Variants in GLCE observed in about 807,000 individuals in gnomAD.
GLCE encodes the protein D-glucuronyl C5-epimerase.
GLCE carries 19 observed loss-of-function variants against 47.9 expected under a neutral mutation model. The observed-to-expected ratio is 0.40, with a 90% CI of 0.28 to 0.58. GLCE has a LOEUF of 0.58. Ranked by LOEUF, GLCE falls within the 20% of genes least tolerant of loss-of-function variation. The pLI is 0.48. For synonymous variants in GLCE, 245 were observed against 263.4 expected, an observed-to-expected ratio of 0.93 and a Z score of 0.68; for missense variants, 556 against 743.3, an observed-to-expected ratio of 0.75 and a Z score of 2.93.
chr15:69,224,435 A>G (rs2052418257), intron 2 of GLCE, among the ~76,000 whole-genome samples: 1 of 152,224 alleles, frequency 6.6e-6, no homozygotes, highest in Non-Finnish European at 1.5e-5. Flanking sequence ...CAAAAGGAGA[A>G]AAAGAGAAAA....
At chr15:69,258,259 G>A (rs1170884125) in intron 3 of GLCE, among the ~76,000 whole-genome samples, 10 of 151,952 alleles carry the variant, frequency 6.6e-5, no homozygotes, top group Non-Finnish European at 1.2e-4. Flanking sequence ...TTGGTTTTCT[G>A]TTCCTGCGTT....
intron 1 of GLCE, among the ~76,000 whole-genome samples, chr15:69,189,291 G>A (rs78912421): frequency 0.019 from 2,850 of 152,216 alleles, 46 homozygotes; most frequent in Admixed American, 0.043. Context: ...CATATAGTAT[G>A]TCACCTTTTC....
At chr15:69,249,231 G>C (rs1019948367) in intron 2 of GLCE, among the ~76,000 whole-genome samples, 1 of 152,142 alleles carries the variant, frequency 6.6e-6, no homozygotes, top group Non-Finnish European at 1.5e-5. Flanking sequence ...ACCCTGACTT[G>C]GGAGCATGCT....
intron 1 of GLCE, among the ~76,000 whole-genome samples, chr15:69,169,986 G>A (rs942049760): frequency 6.6e-6 from 1 of 151,858 alleles, no homozygotes; most frequent in African/African-American, 2.4e-5. Context: ...TATTCTCTCT[G>A]CTAATAACAT....
chr15:69,261,333 A>G lies in GLCE; in HGVS notation c.829+4A>G. ...GTCAAACAGTTTATTGCACCAGGTA[A>G]GTTATGTATTATATGTGCCTGCTAA... is the stretch of plus-strand genomic sequence containing the variant. On this transcript the variant is annotated splice_donor_region_variant and intron_variant, in intron 4 of 4. Transcript: ENST00000261858. The G allele has an allele frequency of 6.2e-7, 1 of 1,612,580 alleles. No homozygotes were observed. The highest frequency in any genetic ancestry group is 1.1e-5 in the South Asian group (1 of 90,992).
In GLCE at chr15:69,179,616, C is replaced by T. The variant is rs144600066; in HGVS notation, c.-105+18859C>T. ...TATCTCTCATCCTAACCACTGACAA[C>T]GTAACTCCTGGCCTTAAAGAGCATA... On this transcript the variant is annotated intron_variant, in intron 1 of 4. Coordinates refer to ENST00000261858, the MANE Select transcript of GLCE (RefSeq NM_015554.3). 2.0e-5 allele frequency among the ~76,000 whole-genome samples: 3 copies of T among 152,260 alleles called. No homozygotes were observed. The East Asian group carries it at 5.8e-4, about 29-fold the overall frequency.
intron 1 of GLCE, among the ~76,000 whole-genome samples, chr15:69,189,827 A>T (rs543393338): frequency 6.6e-6 from 1 of 151,770 alleles, no homozygotes; most frequent in Non-Finnish European, 1.5e-5. Flanking sequence ...TTTTTTTTTA[A>T]CTTTTATTTT....
At chr15:69,173,192 GTT>G (rs1400698717) in intron 1 of GLCE, among the ~76,000 whole-genome samples, 32 of 152,204 alleles carry the variant, frequency 2.1e-4, no homozygotes, top group African/African-American at 7.5e-4. Flanking sequence ...ATCTAGCTTA[GTT>G]CTGTTCTGTT....
intron 2 of GLCE, among the ~76,000 whole-genome samples, chr15:69,252,172 C>G (rs921121401): frequency 6.6e-6 from 1 of 152,008 alleles, no homozygotes; most frequent in African/African-American, 2.4e-5. Context: ...CTTTATTTTC[C>G]CATCGTGTGC....
chr15:69,216,236 A>G (rs2140382445), intron 2 of GLCE, among the ~76,000 whole-genome samples: 1 of 152,306 alleles, frequency 6.6e-6, no homozygotes, highest in South Asian at 2.1e-4. Context: ...GGATTGACAA[A>G]TGTTACTCTA....
chr15:69,254,392 T>G (rs544570001), intron 2 of GLCE, among the ~76,000 whole-genome samples: 1 of 152,274 alleles, frequency 6.6e-6, no homozygotes, highest in African/African-American at 2.4e-5. Context: ...CCATCAGGAC[T>G]GGAATGACAT....
chr15:69,220,371 T>G (rs1211448994), intron 2 of GLCE, among the ~76,000 whole-genome samples: 1 of 152,178 alleles, frequency 6.6e-6, no homozygotes, highest in Non-Finnish European at 1.5e-5. Context: ...TATACAAACC[T>G]GCACATGTAA....
chr15:69,266,789 C>T (rs556570274), intron 4 of GLCE: 11 of 776,434 alleles, frequency 1.4e-5, no homozygotes, highest in East Asian at 1.3e-4. Context: ...AACCTGAGTC[C>T]GGGAAACCTG....
At chr15:69,233,215 C>T (rs2052549085) in intron 2 of GLCE, among the ~76,000 whole-genome samples, 1 of 152,086 alleles carries the variant, frequency 6.6e-6, no homozygotes. Context: ...TCTATAACCT[C>T]TAAGGATTTA....
intron 4 of GLCE, among the ~76,000 whole-genome samples, chr15:69,264,102 C>A (rs556133364): frequency 1.3e-5 from 2 of 152,050 alleles, no homozygotes; most frequent in Non-Finnish European, 2.9e-5. Flanking sequence ...GTACATCAGA[C>A]CCCTAGATCT....
chr15:69,207,580 A>G (rs1252329885), intron 1 of GLCE, among the ~76,000 whole-genome samples: 1 of 152,154 alleles, frequency 6.6e-6, no homozygotes, highest in Non-Finnish European at 1.5e-5. Flanking sequence ...TGAATCAAAT[A>G]GTTCATTCCT....
intron 1 of GLCE, among the ~76,000 whole-genome samples, chr15:69,169,385 A>G (rs778070450): frequency 1.3e-5 from 2 of 152,124 alleles, no homozygotes; most frequent in Non-Finnish European, 2.9e-5. Context: ...ATATATATAC[A>G]CACATATACA....
chr15:69,197,652 T>C (rs2052013702), intron 1 of GLCE, among the ~76,000 whole-genome samples: 1 of 152,106 alleles, frequency 6.6e-6, no homozygotes, highest in African/African-American at 2.4e-5. Flanking sequence ...TGTTTAGCAA[T>C]GTGGAAGATG....
At chr15:69,216,900 A>C (rs891854217) in intron 2 of GLCE, among the ~76,000 whole-genome samples, 4 of 152,006 alleles carry the variant, frequency 2.6e-5, no homozygotes, top group African/African-American at 9.7e-5. Context: ...CTATTTCAGT[A>C]GGAGAAAGCC....
Sources: gnomAD v4.1 joint callset for allele counts (sites outside exome capture counted in the v4.1 genomes callset) on GRCh38, gnomAD v4.1.1 for gene constraint, MANE v1.5 for transcripts, NCBI Gene and HGNC (gene_info 2026-07-23, HGNC 2026-07-21) for gene names.